Variants in SYT6 observed in about 807,000 individuals in gnomAD.
SYT6 encodes the protein synaptotagmin 6, also known as synaptotagmin-6.
A neutral mutation model predicts 38.4 loss-of-function variants in SYT6; 24 were observed. That is an observed-to-expected ratio of 0.62 (90% CI 0.45 to 0.88). SYT6 has a LOEUF of 0.88. SYT6 is among the 40% of genes least tolerant of loss of function. The probability of loss-of-function intolerance (pLI) is 0.00; values close to 1 mark genes in which losing one functional copy is unlikely to be tolerated. For missense variants in SYT6, 611 were observed against 621.0 expected (o/e 0.98, Z 0.17); for synonymous variants, 265 against 241.9 (o/e 1.10, Z -0.89).
At chr1:114,105,068 G>A (rs956293396) in intron 3 of SYT6, among the ~76,000 whole-genome samples, 11 of 151,960 alleles carry the variant, frequency 7.2e-5, no homozygotes, top group Admixed American at 7.2e-4. Context: ...TAGGGCAAAG[G>A]ACAATAAAGG....
At chr1:114,111,472 C>T (rs145814529) in intron 3 of SYT6, among the ~76,000 whole-genome samples, 38 of 152,306 alleles carry the variant, frequency 2.5e-4, no homozygotes, top group African/African-American at 8.7e-4. Context: ...GATGACACCT[C>T]CTCACTAAAT....
chr1:114,143,476 A>T (rs556595335), intron 1 of SYT6, among the ~76,000 whole-genome samples: 1 of 148,822 alleles, frequency 6.7e-6, no homozygotes, highest in East Asian at 1.9e-4. Context: ...CTATATATAC[A>T]TACATACATA....
chr1:114,113,586 A>C (rs1402834700), intron 3 of SYT6, among the ~76,000 whole-genome samples: 1 of 152,150 alleles, frequency 6.6e-6, no homozygotes, highest in Non-Finnish European at 1.5e-5. Context: ...TCAAGCCAGA[A>C]ATGAGACATC....
intron 6 of SYT6, among the ~76,000 whole-genome samples, chr1:114,097,050 G>A (rs1675681170): frequency 6.6e-6 from 1 of 152,328 alleles, no homozygotes; most frequent in East Asian, 1.9e-4. Context: ...TTTCTTTGCA[G>A]TTGAGGGAGA....
At chr1:114,104,714 T>A (rs77511950) in intron 3 of SYT6, among the ~76,000 whole-genome samples, 2,883 of 152,280 alleles carry the variant, frequency 0.019, 86 homozygotes, top group African/African-American at 0.066. Flanking sequence ...CAACTATTTA[T>A]TGAGCACCTG....
At chr1:114,118,003 G>A (rs1041721968) in intron 3 of SYT6, among the ~76,000 whole-genome samples, 2 of 152,322 alleles carry the variant, frequency 1.3e-5, no homozygotes, top group East Asian at 3.9e-4. Context: ...GCTGTGGAGC[G>A]GCCTCTGGCC....
Position 114,153,584 on chromosome 1 carries a change from G to A in SYT6, c.163+26C>T, listed in dbSNP as rs760683444. 312 of 582,670 alleles carry A rather than the reference G, an allele frequency of 5.4e-4. 2 individuals carry two copies. Among genetic ancestry groups the A allele is most frequent in the Non-Finnish European group, 8.1e-4 (263 of 324,770 alleles). 36.1% of individuals were successfully genotyped at this position (582,670 alleles called of 1,614,324 possible). A position where few individuals can be genotyped will look rare whatever the true frequency, so the allele number is the denominator to read the frequency against. ...GATCGCAGGACGGATATCCAGGAAGGGAGGGGGCCCTGGGTCTCCCGTTAC... is the reference window on the plus strand; with the variant it reads ...GATCGCAGGACGGATATCCAGGAAGAGAGGGGGCCCTGGGTCTCCCGTTAC... On this transcript the variant is annotated intron_variant, in intron 1 of 7. Transcript: ENST00000610222.
intron 3 of SYT6, among the ~76,000 whole-genome samples, chr1:114,129,621 CTTT>C (rs58731320): frequency 0.11 from 4,995 of 47,364 alleles, 95 homozygotes; most frequent in Middle Eastern, 0.2. Context: ...TCTTTCCTTT[CTTT>C]CTTTCTTTCT....
chr1:114,140,630 T>C (rs1278491106), intron 1 of SYT6, among the ~76,000 whole-genome samples: 1 of 151,430 alleles, frequency 6.6e-6, no homozygotes, highest in Non-Finnish European at 1.5e-5. Context: ...GCTCAATAAA[T>C]ACTTCTATTA....
chr1:114,122,038 T>C (rs1178091386), intron 3 of SYT6, among the ~76,000 whole-genome samples: 1 of 152,186 alleles, frequency 6.6e-6, no homozygotes, highest in African/African-American at 2.4e-5. Context: ...AACTCTTGCT[T>C]ACCTGCAGGC....
In SYT6 at chr1:114,138,496, C is replaced by T. The variant is rs1045614109; in HGVS notation, c.513-443G>A. On this transcript the variant is annotated intron_variant, in intron 2 of 7. Coordinates refer to ENST00000610222, the MANE Select transcript of SYT6 (RefSeq NM_001253772.2). ...CACCATTTGTTAAGCATTTGCTATACGGCAGGCAGCAGAGTGGTAAAAGCA... is the reference window on the plus strand; with the variant it reads ...CACCATTTGTTAAGCATTTGCTATATGGCAGGCAGCAGAGTGGTAAAAGCA... Among the ~76,000 whole-genome samples the T allele has an allele frequency of 3.9e-5, 6 of 152,144 alleles. No individual in the cohort carries two copies. In the South Asian group the frequency reaches 6.2e-4, roughly 16 times the overall value.
intron 3 of SYT6, among the ~76,000 whole-genome samples, chr1:114,129,592 CTT>C (rs1209126542): frequency 1.1e-5 from 1 of 92,088 alleles, no homozygotes; most frequent in Non-Finnish European, 2.3e-5. Flanking sequence ...TTCTTTCTTT[CTT>C]TCTTTCTTTC....
At chr1:114,150,109 C>T (rs899907433) in intron 1 of SYT6, among the ~76,000 whole-genome samples, 1 of 152,176 alleles carries the variant, frequency 6.6e-6, no homozygotes, top group African/African-American at 2.4e-5. Context: ...ATCCAGATGC[C>T]TCAATGCCAC....
At chr1:114,140,018 G>C in intron 1 of SYT6, 55 bp from the exon 2 acceptor site, 1 of 1,094,314 alleles carries the variant, frequency 9.1e-7, no homozygotes, top group Non-Finnish European at 1.3e-6. Flanking sequence ...GCGGGGAGAA[G>C]CGGGTGAGGG....
chr1:114,099,051 G>C (rs1675812145), intron 5 of SYT6, 43 bp downstream of exon 5: 1 of 1,571,806 alleles, frequency 6.4e-7, no homozygotes, highest in East Asian at 2.2e-5. Context: ...TGCTGGAGTG[G>C]GAGTGAGGGG....
rs374174134 is a variant in SYT6 at position 114,137,609 on chromosome 1, A to C, written c.957T>G (p.Phe319Leu). The C allele has an allele frequency of 1.2e-6, 2 of 1,614,080 alleles. No homozygotes were observed. Among genetic ancestry groups the C allele is most frequent in the Non-Finnish European group, 8.5e-7 (1 of 1,180,028 alleles). The change falls in exon 3 of 8, where the codon TTT becomes TTG. Residue 319 changes from phenylalanine to leucine, a missense_variant. Physicochemically the swap from Phe to Leu is conservative, Grantham distance 22. Transcript: ENST00000610222. ...TCATGTCATGGCGGGAGAAGCGGTC[A>C]AAGTCGAAGACACTGAGATGCAGCT... ...DRKLHLSVFD[F>L]DRFSRHDMIG...
chr1:114,109,334 C>A (rs1413582700), intron 3 of SYT6, among the ~76,000 whole-genome samples: 1 of 152,098 alleles, frequency 6.6e-6, no homozygotes, highest in Non-Finnish European at 1.5e-5. Flanking sequence ...CATGTGTAGC[C>A]CAGTGCCTGA....
At chr1:114,093,393 G>T (rs1675436170) in intron 7 of SYT6, among the ~76,000 whole-genome samples, 2 of 152,314 alleles carry the variant, frequency 1.3e-5, no homozygotes, top group South Asian at 2.1e-4. Flanking sequence ...CAGGCCAGCT[G>T]AAGATCTTTA....
At chr1:114,128,609 A>G (rs74112945) in intron 3 of SYT6, among the ~76,000 whole-genome samples, 1,553 of 152,282 alleles carry the variant, frequency 0.01, 33 homozygotes, top group African/African-American at 0.035. Context: ...GCCCTTGTCA[A>G]GGCCGATGAT....
Sources: allele counts gnomAD v4.1 joint callset (sites outside exome capture counted in the v4.1 genomes callset), GRCh38; gene constraint gnomAD v4.1.1; transcripts MANE v1.5; gene names NCBI Gene and HGNC (gene_info 2026-07-23, HGNC 2026-07-21).